Variants in LRRC4C observed in about 807,000 individuals in gnomAD.
The protein encoded by LRRC4C is leucine-rich repeat-containing protein 4C.
Under a neutral mutation model 33.6 loss-of-function variants are expected in LRRC4C, and 5 were observed. The ratio of observed to expected loss-of-function variants is 0.15; its 90% CI spans 0.08 to 0.31. LRRC4C has a LOEUF of 0.31. Among genes scored for constraint, LRRC4C ranks in the 10% least tolerant of loss-of-function variants. The pLI, the probability that LRRC4C is intolerant of heterozygous loss-of-function variation, is 1.00. For missense variants in LRRC4C, 560 were observed against 796.7 expected (o/e 0.70, Z 3.58); for synonymous variants, 329 against 302.0 (o/e 1.09, Z -0.93).
intron 1 of LRRC4C, among the ~76,000 whole-genome samples, chr11:41,354,395 C>T (rs1045863782): frequency 2.0e-5 from 3 of 152,076 alleles, no homozygotes; most frequent in Admixed American, 6.5e-5. Flanking sequence ...AATGGAAAAA[C>T]ATTCCATGCT....
intron 1 of LRRC4C, among the ~76,000 whole-genome samples, chr11:41,236,127 A>C (rs543083423): frequency 3.9e-5 from 6 of 152,192 alleles, no homozygotes; most frequent in Non-Finnish European, 2.9e-5. Flanking sequence ...TTGACCACCT[A>C]CCATTCTACT....
intron 1 of LRRC4C, among the ~76,000 whole-genome samples, chr11:41,454,220 A>C (rs924205267): frequency 6.6e-6 from 1 of 152,148 alleles, no homozygotes; most frequent in African/African-American, 2.4e-5. Context: ...CAGCTACATT[A>C]GTAAGAACAA....
intron 3 of LRRC4C, among the ~76,000 whole-genome samples, chr11:40,470,356 T>G (rs981722380): frequency 2.0e-5 from 3 of 151,798 alleles, no homozygotes; most frequent in Admixed American, 6.6e-5. Context: ...AAAAAGGACA[T>G]CCACACAAAA....
intron 3 of LRRC4C, among the ~76,000 whole-genome samples, chr11:40,573,761 A>ATAAC (rs1302617043): frequency 3.3e-5 from 5 of 152,206 alleles, no homozygotes; most frequent in African/African-American, 1.2e-4. Flanking sequence ...TTGACAGAGG[A>ATAAC]TAACTTACTG....
intron 3 of LRRC4C, among the ~76,000 whole-genome samples, chr11:40,429,507 T>G (rs1950835778): frequency 6.6e-6 from 1 of 152,082 alleles, no homozygotes; most frequent in South Asian, 2.1e-4. Context: ...TAGACTAGTG[T>G]TCATTGACCT....
chr11:40,589,345 T>C (rs1330756235), intron 3 of LRRC4C, among the ~76,000 whole-genome samples: 2 of 152,244 alleles, frequency 1.3e-5, no homozygotes, highest in East Asian at 3.9e-4. Flanking sequence ...TCTTCCTCCA[T>C]CCTTTTATTT....
At chr11:41,160,817 AG>A (rs1944437073) in intron 1 of LRRC4C, among the ~76,000 whole-genome samples, 2 of 152,184 alleles carry the variant, frequency 1.3e-5, no homozygotes, top group South Asian at 4.1e-4. Flanking sequence ...AACCCAGAGA[AG>A]GAAATTCTCA....
At chr11:40,666,499 T>C (rs1943820481) in intron 2 of LRRC4C, among the ~76,000 whole-genome samples, 1 of 152,114 alleles carries the variant, frequency 6.6e-6, no homozygotes, top group African/African-American at 2.4e-5. Context: ...AATGGTAACA[T>C]TTGGCATATC....
In LRRC4C at chr11:40,466,910, G is replaced by A. The variant is rs114131066; in HGVS notation, c.-269-147189C>T. Among the ~76,000 whole-genome samples the A allele has an allele frequency of 3.9e-3, 593 of 151,956 alleles. 2 individuals carry two copies. Among genetic ancestry groups the A allele is most frequent in the Non-Finnish European group, 6.2e-3 (418 of 67,930 alleles). On this transcript the variant is annotated intron_variant, in intron 3 of 6. Transcript: ENST00000528697. ...TGTTTTCAAGTGATAGGTCTTGATC[G>A]CTCATGTTTAATTTATGAAATGAAT...
At chr11:41,360,159 G>T (rs1952302269) in intron 1 of LRRC4C, among the ~76,000 whole-genome samples, 1 of 152,154 alleles carries the variant, frequency 6.6e-6, no homozygotes, top group South Asian at 2.1e-4. Flanking sequence ...CTCCAGCCTG[G>T]ATGACAAAGG....
chr11:41,107,513 T>A (rs1941577140), intron 1 of LRRC4C, among the ~76,000 whole-genome samples: 1 of 151,736 alleles, frequency 6.6e-6, no homozygotes, highest in African/African-American at 2.4e-5. Context: ...AAACAAAGAA[T>A]AAAAATAAAA....
intron 1 of LRRC4C, among the ~76,000 whole-genome samples, chr11:41,366,851 T>C (rs1023196564): frequency 3.3e-5 from 5 of 152,142 alleles, no homozygotes; most frequent in African/African-American, 9.7e-5. Context: ...GTCTCCAGAA[T>C]TGTGAGAAAA....
At position 41,117,510 on chromosome 11, in the gene LRRC4C, T is replaced by C. The variant is rs564967609; in HGVS notation, c.-495-183787A>G. Among the ~76,000 whole-genome samples, 29 of 152,268 alleles carry C rather than the reference T, an allele frequency of 1.9e-4. 1 individual carries two copies. The highest frequency in any genetic ancestry group is 9.2e-4 in the Admixed American group (14 of 15,292). On this transcript the variant is annotated intron_variant, in intron 1 of 6. Coordinates refer to ENST00000528697, the MANE Select transcript of LRRC4C (RefSeq NM_001258419.2). Reference sequence around the variant, plus strand: ...ATGCAATTTTATTTATGTATGTATGTAAAAAGTGCATGTGGAAAAGAGCAT... The same window carrying C: ...ATGCAATTTTATTTATGTATGTATGCAAAAAGTGCATGTGGAAAAGAGCAT...
At chr11:41,338,662 G>A (rs187948513) in intron 1 of LRRC4C, among the ~76,000 whole-genome samples, 33 of 152,066 alleles carry the variant, frequency 2.2e-4, no homozygotes, top group Non-Finnish European at 3.1e-4. Flanking sequence ...TATGTAACAC[G>A]CCTGCATGTT....
chr11:41,097,708 T>C (rs982202950), intron 1 of LRRC4C, among the ~76,000 whole-genome samples: 3 of 152,098 alleles, frequency 2.0e-5, no homozygotes, highest in Non-Finnish European at 4.4e-5. Context: ...CATCAGAGAT[T>C]TATATATTTA....
At chr11:41,087,622 C>T (rs975580116) in intron 1 of LRRC4C, among the ~76,000 whole-genome samples, 1 of 152,096 alleles carries the variant, frequency 6.6e-6, no homozygotes, top group Non-Finnish European at 1.5e-5. Flanking sequence ...TGCCACTACT[C>T]CCATTAATTA....
chr11:40,291,569 G>GGCC (rs2136570090), intron 4 of LRRC4C, among the ~76,000 whole-genome samples: 2 of 152,224 alleles, frequency 1.3e-5, no homozygotes, highest in South Asian at 4.1e-4. Context: ...TTTTAGCACT[G>GGCC]GTGTGAACCC....
intron 3 of LRRC4C, among the ~76,000 whole-genome samples, chr11:40,423,586 C>T (rs1196819487): frequency 4.6e-5 from 7 of 151,782 alleles, no homozygotes; most frequent in African/African-American, 1.7e-4. Context: ...CCTCGTGATC[C>T]GCCCGCCTCG....
At chr11:40,865,678 A>G (rs2135891794) in intron 2 of LRRC4C, among the ~76,000 whole-genome samples, 1 of 152,056 alleles carries the variant, frequency 6.6e-6, no homozygotes, top group African/African-American at 2.4e-5. Context: ...TGAGGAATGT[A>G]CACACCTCAG....
Sources: allele counts gnomAD v4.1 joint callset (sites outside exome capture counted in the v4.1 genomes callset), GRCh38; gene constraint gnomAD v4.1.1; transcripts MANE v1.5; gene names NCBI Gene and HGNC (gene_info 2026-07-23, HGNC 2026-07-21).